Variants in PRORP observed in about 807,000 individuals in gnomAD.
PRORP encodes protein only RNase P catalytic subunit.
PRORP carries 51 observed loss-of-function variants against 59.4 expected under a neutral mutation model. The observed-to-expected ratio is 0.86, with a 90% confidence interval of 0.69 to 1.08. The LOEUF is 1.08. PRORP is among the 50% of genes least tolerant of loss of function. PRORP has a pLI of 0.00. For missense variants in PRORP, 646 were observed against 690.3 expected, an observed-to-expected ratio of 0.94 and a Z score of 0.72; for synonymous variants, 231 against 245.6, an observed-to-expected ratio of 0.94 and a Z score of 0.55.
At chr14:35,262,990 G>T (rs2050943835) in intron 5 of PRORP, 2 of 1,597,882 alleles carry the variant, frequency 1.3e-6, no homozygotes, top group East Asian at 2.2e-5. Flanking sequence ...TTTTTGGATG[G>T]TATCTATGTC....
chr14:35,185,063 G>A (rs765094900), intron 5 of PRORP, among the ~76,000 whole-genome samples: 5 of 152,206 alleles, frequency 3.3e-5, no homozygotes, highest in Non-Finnish European at 7.4e-5. Context: ...TGGGTTGAAT[G>A]GTAGTTCTGC....
intron 4 of PRORP, among the ~76,000 whole-genome samples, chr14:35,152,484 T>C (rs1466055319): frequency 1.3e-5 from 2 of 152,246 alleles, no homozygotes; most frequent in East Asian, 3.9e-4. Context: ...GCAGAGGGGC[T>C]CCTCACTTCC....
chr14:35,244,452 T>A (rs998697509), intron 5 of PRORP, among the ~76,000 whole-genome samples: 2 of 152,108 alleles, frequency 1.3e-5, no homozygotes, highest in African/African-American at 4.8e-5. Flanking sequence ...TTATCTTTTT[T>A]TTTTTTTAAC....
chr14:35,179,248 T>C (rs2048535600), intron 4 of PRORP, among the ~76,000 whole-genome samples: 1 of 152,162 alleles, frequency 6.6e-6, no homozygotes, highest in African/African-American at 2.4e-5. Context: ...GGAGTATCTT[T>C]GTGGCATTCT....
intron 5 of PRORP, among the ~76,000 whole-genome samples, chr14:35,191,018 A>G (rs947243339): frequency 1.4e-4 from 22 of 152,142 alleles, no homozygotes; most frequent in African/African-American, 4.1e-4. Flanking sequence ...CCATTTCCCA[A>G]CATGTTATTT....
At chr14:35,241,941 ACT>A (rs2050379919) in intron 5 of PRORP, among the ~76,000 whole-genome samples, 1 of 152,068 alleles carries the variant, frequency 6.6e-6, no homozygotes, top group African/African-American at 2.4e-5. Flanking sequence ...TGGTGATTCT[ACT>A]GACACCTTTT....
chr14:35,170,594 T>C (rs556962552), intron 4 of PRORP, among the ~76,000 whole-genome samples: 24 of 152,196 alleles, frequency 1.6e-4, no homozygotes, highest in Non-Finnish European at 3.2e-4. Context: ...TATTGTTTTA[T>C]TGTAGCTTAA....
chr14:35,217,424 C>A (rs949133296), intron 5 of PRORP, among the ~76,000 whole-genome samples: 4 of 150,384 alleles, frequency 2.7e-5, no homozygotes, highest in African/African-American at 9.8e-5. Flanking sequence ...TCACTTGAAC[C>A]TGGGAGGCAA....
At chr14:35,250,231 C>CA (rs796530537) in intron 5 of PRORP, among the ~76,000 whole-genome samples, 151 of 126,872 alleles carry the variant, frequency 1.2e-3, no homozygotes, top group African/African-American at 2.6e-3. Context: ...GACTCGGTCT[C>CA]AAAAAAAAAA....
Position 35,127,560 on chromosome 14 carries a change from C to T in PRORP, c.1116C>T (p.Ile372=). ...AATATGAATGTCTTAAGGGAAAAATCATGAGGGATGTGATAGATGGAGGTG... is the reference window on the plus strand; with the variant it reads ...AATATGAATGTCTTAAGGGAAAAATTATGAGGGATGTGATAGATGGAGGTG... ...PEEYECLKGK[I]MRDVIDGGDQ... Residue 372 remains isoleucine, a synonymous_variant, in exon 4 of 8, where the codon ATC becomes ATT. Transcript: ENST00000534898. 1 of 1,613,912 alleles carries T rather than the reference C, an allele frequency of 6.2e-7. No individual in the cohort carries two copies. Among genetic ancestry groups the T allele is most frequent in the Non-Finnish European group, 8.5e-7 (1 of 1,179,888 alleles).
chr14:35,135,708 C>T (rs1428485151), intron 4 of PRORP, among the ~76,000 whole-genome samples: 2 of 152,054 alleles, frequency 1.3e-5, no homozygotes, highest in Non-Finnish European at 2.9e-5. Flanking sequence ...GCCTGTAATC[C>T]CAGCACTTTG....
intron 5 of PRORP, among the ~76,000 whole-genome samples, chr14:35,261,730 A>G (rs2050909459): frequency 6.6e-6 from 1 of 151,682 alleles, no homozygotes; most frequent in African/African-American, 2.4e-5. Context: ...CTCTGTCTCA[A>G]AAAAAAAACA....
At chr14:35,126,696 C>T in intron 2 of PRORP, 39 bp from the exon 3 acceptor site, 1 of 1,513,636 alleles carries the variant, frequency 6.6e-7, no homozygotes. Context: ...CAGTAGGAAT[C>T]TAACCTTCTC....
rs1157267090 is a variant in PRORP at position 35,124,184 on chromosome 14, G to A, written c.939G>A (p.Leu313=). The change falls in exon 2 of 8, where the codon CTG becomes CTA. Residue 313 remains leucine, a synonymous_variant. Transcript: ENST00000534898. ...TTTCATATCTAAGAAATAATCAGCTGTATCCAGGGGAGTCATTTGCACACA... is the reference window on the plus strand; with the variant it reads ...TTTCATATCTAAGAAATAATCAGCTATATCCAGGGGAGTCATTTGCACACA... The part of the protein sequence containing the change: ...DILSYLRNNQ[L]YPGESFAHSI... 7 of 1,590,994 alleles carry A rather than the reference G, an allele frequency of 4.4e-6. No individual in the cohort carries two copies. The Admixed American group carries it at 9.2e-5, about 21-fold the overall frequency.
Position 35,274,771 on chromosome 14 carries a change from A to G in PRORP, c.*1205A>G, listed in dbSNP as rs925692002. ...TCCAAATTGGTTCAACATTTTGTGA[A>G]CACTATTAATTTCATCATTCAGTAT... On this transcript the variant is annotated 3_prime_UTR_variant, in exon 8 of 8. Transcript: ENST00000534898. 1.3e-5 allele frequency: 2 copies of G among 152,198 alleles called. No homozygotes were observed. The highest frequency in any genetic ancestry group is 4.8e-5 in the African/African-American group (2 of 41,454). 9.4% of individuals were successfully genotyped at this position (152,198 alleles called of 1,614,324 possible).
chr14:35,233,128 C>G (rs1160293850), intron 5 of PRORP, among the ~76,000 whole-genome samples: 1 of 137,128 alleles, frequency 7.3e-6, no homozygotes, highest in African/African-American at 2.7e-5. Flanking sequence ...ACCCATTCGG[C>G]AAATACTTAT....
At chr14:35,205,800 A>T (rs183219760) in intron 5 of PRORP, among the ~76,000 whole-genome samples, 1 of 152,266 alleles carries the variant, frequency 6.6e-6, no homozygotes, top group Non-Finnish European at 1.5e-5. Flanking sequence ...CCTCTCAGGG[A>T]TGAAAACGTG....
chr14:35,273,391 T>A (rs779183295), intron 7 of PRORP, 44 bp from the exon 8 acceptor site: 54 of 1,565,152 alleles, frequency 3.5e-5, no homozygotes, highest in Non-Finnish European at 4.5e-5. Context: ...CAAGTAGCCC[T>A]TTAGTGTTGT....
Position 35,180,785 on chromosome 14 carries a change from T to G in PRORP, c.1275+8T>G. On this transcript the variant is annotated splice_region_variant and intron_variant, in intron 5 of 7. Coordinates refer to ENST00000534898, the MANE Select transcript of PRORP (RefSeq NM_014672.4). The stretch of plus-strand genomic sequence containing the variant: ...GTTCGTGAATCTCAACTTGTAAGTA[T>G]AAGTTTTACTTTGTTATTCCACATC... 1 of 1,520,152 alleles carries G rather than the reference T, an allele frequency of 6.6e-7. No homozygotes were observed. 94.2% of individuals were successfully genotyped at this position (1,520,152 alleles called of 1,614,324 possible).
Sources: allele counts gnomAD v4.1 joint callset (sites outside exome capture counted in the v4.1 genomes callset), GRCh38; gene constraint gnomAD v4.1.1; transcripts MANE v1.5; gene names NCBI Gene and HGNC (gene_info 2026-07-23, HGNC 2026-07-21).